ZBBX: variants seen among roughly 807,000 people sequenced by gnomAD.
ZBBX encodes the protein zinc finger B-box domain containing.
ZBBX carries 101 observed loss-of-function variants against 108.5 expected under a neutral mutation model. That is an observed-to-expected ratio of 0.93 (90% confidence interval 0.79 to 1.10). The LOEUF (loss-of-function observed/expected upper bound fraction) is 1.10, where lower values mean the gene tolerates loss of function less well. ZBBX is among the 50% of genes least tolerant of loss of function. ZBBX has a pLI of 0.00. For synonymous variants in ZBBX, 356 were observed against 323.4 expected, an observed-to-expected ratio of 1.10 and a Z score of -1.08; for missense variants, 1,009 against 941.4, an observed-to-expected ratio of 1.07 and a Z score of -0.94.
rs1745650986 is a variant in ZBBX, at chr3:167,368,330, T to G, written c.182+131A>C. 7.5e-6 allele frequency: 5 copies of G among 666,606 alleles called. No individual in the cohort carries two copies. The South Asian group carries it at 1.1e-4, about 14-fold the overall frequency. 41.3% of individuals were successfully genotyped at this position (666,606 alleles called of 1,614,324 possible). A position where few individuals can be genotyped will look rare whatever the true frequency, so the allele number is the denominator to read the frequency against. ...ACAAAAAATAGAAGGCCTTTGCTAT[T>G]GCTCGTTCATCAGGAAAAGTCAGAA... On this transcript the variant is annotated intron_variant, in intron 5 of 21. Transcript: ENST00000675490.
At chr3:167,236,951 G>A (rs1315096719), downstream of ZBBX, among the ~76,000 whole-genome samples, 1 of 151,818 alleles carries the variant, frequency 6.6e-6, no homozygotes, top group Non-Finnish European at 1.5e-5. Flanking sequence ...AATGCTCTTT[G>A]AGAAGATACA....
intron 9 of ZBBX, among the ~76,000 whole-genome samples, chr3:167,342,809 A>C (rs748739255): frequency 6.6e-5 from 10 of 151,484 alleles, no homozygotes; most frequent in South Asian, 6.2e-4. Context: ...AAAAAAAAAA[A>C]AACAACAAGG....
chr3:167,357,956 C>T (rs561933588), intron 8 of ZBBX, among the ~76,000 whole-genome samples: 1 of 152,122 alleles, frequency 6.6e-6, no homozygotes, highest in Admixed American at 6.5e-5. Context: ...TATTCTCACT[C>T]ATAGGTGGGA....
At chr3:167,290,727 G>A (rs1433102770) in intron 18 of ZBBX, among the ~76,000 whole-genome samples, 1 of 152,136 alleles carries the variant, frequency 6.6e-6, no homozygotes, top group Non-Finnish European at 1.5e-5. Flanking sequence ...GACAGAAGTA[G>A]GCTTCAGAAG....
At chr3:167,319,077 T>C (rs1190705474) in intron 12 of ZBBX, among the ~76,000 whole-genome samples, 2 of 151,936 alleles carry the variant, frequency 1.3e-5, no homozygotes, top group Non-Finnish European at 2.9e-5. Context: ...GCACTTACCA[T>C]ATAGCCCACC....
At chr3:167,362,905 G>A (rs1035356575) in intron 6 of ZBBX, among the ~76,000 whole-genome samples, 5 of 151,654 alleles carry the variant, frequency 3.3e-5, no homozygotes, top group East Asian at 2.0e-4. Context: ...CAACCTGCTC[G>A]GTATTTCTCT....
At chr3:167,275,701 G>T (rs1344184511) in intron 20 of ZBBX, among the ~76,000 whole-genome samples, 3 of 152,198 alleles carry the variant, frequency 2.0e-5, no homozygotes, top group Non-Finnish European at 4.4e-5. Context: ...GAGGCTGGGG[G>T]AGGGGTGCCC....
At position 167,250,713 on chromosome 3, in the gene ZBBX, C is replaced by T. The variant is rs1722441502; in HGVS notation, c.2255-8070G>A. 1.3e-5 allele frequency among the ~76,000 whole-genome samples: 2 copies of T among 151,982 alleles called. 1 individual carries two copies. Among genetic ancestry groups the T allele is most frequent in the South Asian group, 4.2e-4 (2 of 4,808 alleles). ...GCAAAGACAGGTCACAGTCCATATT[C>T]TAAAGGTAGTTAGATGTACATCTTC... is the stretch of plus-strand genomic sequence containing the variant. On this transcript the variant is annotated intron_variant, in intron 20 of 21. Transcript: ENST00000675490.
chr3:167,340,132 A>C (rs1740293429), intron 9 of ZBBX, among the ~76,000 whole-genome samples: 1 of 152,122 alleles, frequency 6.6e-6, no homozygotes, highest in Non-Finnish European at 1.5e-5. Context: ...GGATATTTCT[A>C]TTTACACATT....
At chr3:167,294,311 G>A (rs1002774766) in intron 18 of ZBBX, among the ~76,000 whole-genome samples, 2 of 152,148 alleles carry the variant, frequency 1.3e-5, no homozygotes, top group East Asian at 1.9e-4. Flanking sequence ...CAAGGCTACA[G>A]TAACCCAAAA....
intron 1 of ZBBX, among the ~76,000 whole-genome samples, chr3:167,407,094 G>T (rs1041651556): frequency 2.0e-5 from 3 of 151,908 alleles, no homozygotes; most frequent in Non-Finnish European, 4.4e-5. Context: ...CTGCTGGGTG[G>T]CGCCAGATCA....
At chr3:167,216,199 T>C in the ZBBX span, among the ~76,000 whole-genome samples, 2,054 of 152,224 alleles carry the variant, frequency 0.013, 22 homozygotes, top group South Asian at 0.027. Context: ...TGTTTGCATA[T>C]GACATGATTC....
chr3:167,239,111 G>C (rs1190944339), downstream of ZBBX, among the ~76,000 whole-genome samples: 1 of 152,082 alleles, frequency 6.6e-6, no homozygotes, highest in East Asian at 1.9e-4. Flanking sequence ...TGGCCTGCAG[G>C]CTGGAGACCC....
At chr3:167,222,098 G>T in the ZBBX span, among the ~76,000 whole-genome samples, 4 of 151,822 alleles carry the variant, frequency 2.6e-5, no homozygotes, top group Non-Finnish European at 5.9e-5. Flanking sequence ...AGAGATAGCT[G>T]CACTTCTATG....
chr3:167,183,379 C>A, the ZBBX span, among the ~76,000 whole-genome samples: 2 of 152,174 alleles, frequency 1.3e-5, no homozygotes, highest in Non-Finnish European at 2.9e-5. Flanking sequence ...ATTGCTCCGG[C>A]GACCCTTTGA....
chr3:167,399,400 T>A (rs1339774107), intron 1 of ZBBX: 1 of 152,164 alleles, frequency 6.6e-6, no homozygotes. Flanking sequence ...CTAAGCTGCT[T>A]CCCTTCTACT....
intron 20 of ZBBX, among the ~76,000 whole-genome samples, chr3:167,264,841 T>C (rs1482873654): frequency 2.0e-5 from 3 of 152,208 alleles, no homozygotes; most frequent in Non-Finnish European, 4.4e-5. Flanking sequence ...CAGAGGTCTC[T>C]GTGGCCTTGA....
At chr3:167,363,131 C>T (rs1174047982) in intron 6 of ZBBX, among the ~76,000 whole-genome samples, 2 of 151,962 alleles carry the variant, frequency 1.3e-5, no homozygotes, top group African/African-American at 4.8e-5. Context: ...CAACCTCAAT[C>T]ACCTTATCTC....
intron 9 of ZBBX, among the ~76,000 whole-genome samples, chr3:167,335,160 C>A (rs142820859): frequency 6.6e-6 from 1 of 152,220 alleles, no homozygotes; most frequent in African/African-American, 2.4e-5. Context: ...TTCCTCATAT[C>A]ACATAAGCTC....
Sources: gnomAD v4.1 joint callset for allele counts (sites outside exome capture counted in the v4.1 genomes callset) on GRCh38, gnomAD v4.1.1 for gene constraint, MANE v1.5 for transcripts, NCBI Gene and HGNC (gene_info 2026-07-23, HGNC 2026-07-21) for gene names.